Variants in RHOT1 observed in about 807,000 individuals in gnomAD.
RHOT1 encodes the protein ras homolog family member T1, also known as mitochondrial Rho GTPase 1.
RHOT1 carries 27 observed loss-of-function variants against 95.3 expected under a neutral mutation model. The ratio of observed to expected loss-of-function variants is 0.28; its 90% CI spans 0.21 to 0.39. RHOT1 has a LOEUF of 0.39. Ranked by LOEUF, RHOT1 falls within the 10% of genes least tolerant of loss-of-function variation. RHOT1 has a pLI of 1.00. For missense variants in RHOT1, 578 were observed against 786.7 expected, an observed-to-expected ratio of 0.73 and a Z score of 3.17; for synonymous variants, 227 against 263.5, an observed-to-expected ratio of 0.86 and a Z score of 1.34.
rs913419181 is a variant in RHOT1 at position 32,225,437 on chromosome 17, A to T, written c.*704A>T. 1 of 143,666 alleles carries T rather than the reference A, an allele frequency of 7.0e-6. No homozygotes were observed. Among genetic ancestry groups the T allele is most frequent in the East Asian group, 1.9e-4 (1 of 5,154 alleles). 8.9% of individuals were successfully genotyped at this position (143,666 alleles called of 1,614,324 possible). ...AATTTTATAGCCCTTTCAATGAAAT[A>T]AAAAAAAAATTTGTATATTACCAAT... On this transcript the variant is annotated 3_prime_UTR_variant, in exon 20 of 20. Coordinates refer to ENST00000545287, the MANE Select transcript of RHOT1 (RefSeq NM_001033566.3).
rs546925921 is a variant in RHOT1 at position 32,165,154 on chromosome 17, G to A, written c.38-5889G>A. 1.3e-3 allele frequency among the ~76,000 whole-genome samples: 191 copies of A among 151,924 alleles called. 2 individuals carry two copies. Among genetic ancestry groups the A allele is most frequent in the African/African-American group, 4.1e-3 (170 of 41,400 alleles). The stretch of plus-strand genomic sequence containing the variant: ...AGATCGAGACCATCCTGGCTAACAC[G>A]GTGAAACCCCATCTCTACTAAAAAT... On this transcript the variant is annotated intron_variant, in intron 1 of 19. Coordinates refer to ENST00000545287, the MANE Select transcript of RHOT1 (RefSeq NM_001033566.3).
intron 1 of RHOT1, among the ~76,000 whole-genome samples, chr17:32,169,765 C>T (rs563030292): frequency 4.9e-4 from 74 of 151,876 alleles, no homozygotes; most frequent in South Asian, 2.1e-3. Context: ...CAGCACTTTG[C>T]GAAGCTGAGG....
intron 1 of RHOT1, among the ~76,000 whole-genome samples, chr17:32,165,245 G>A (rs1437614744): frequency 6.9e-6 from 1 of 145,496 alleles, no homozygotes; most frequent in East Asian, 2.1e-4. Context: ...GCTGAGGCAG[G>A]AGAATGGCGT....
intron 4 of RHOT1, 142 bp downstream of exon 4, chr17:32,175,504 C>T (rs1688175618): frequency 1.2e-6 from 1 of 838,576 alleles, no homozygotes; most frequent in South Asian, 1.6e-5. Flanking sequence ...CACTCTGTCA[C>T]CCAGTGCAGT....
At chr17:32,180,833 C>T (rs2035579011) in intron 6 of RHOT1, among the ~76,000 whole-genome samples, 2 of 152,042 alleles carry the variant, frequency 1.3e-5, no homozygotes, top group Non-Finnish European at 2.9e-5. Context: ...CAAGTGCGTG[C>T]CATCACACCT....
In RHOT1 at chr17:32,224,629, G is replaced by A; in HGVS notation, c.1876G>A (p.Ala626Thr). Reference sequence around the variant, plus strand: ...TTCTGACTGCAGGCACGTGACACAAGCTGACCTCAAGAGCTCCACGTTTTG... The same window carrying A: ...TTCTGACTGCAGGCACGTGACACAAACTGACCTCAAGAGCTCCACGTTTTG... ...TAVLNRHVTQ[A>T]DLKSSTFWLR... Residue 626 changes from alanine (A) to threonine (T), a missense_variant, in exon 20 of 20, where the codon GCT (alanine) becomes ACT (threonine). Transcript: ENST00000545287. 1 of 1,612,706 alleles carries A rather than the reference G, an allele frequency of 6.2e-7. No homozygotes were observed. The highest frequency in any genetic ancestry group is 1.3e-5 in the African/African-American group (1 of 74,982).
chr17:32,173,965 A>G (rs1206462354), intron 3 of RHOT1, 53 bp downstream of exon 3: 13 of 1,217,146 alleles, frequency 1.1e-5, no homozygotes, highest in Non-Finnish European at 1.6e-5. Flanking sequence ...ATAGACTTGA[A>G]AAAAGATACT....
At position 32,184,788 on chromosome 17, in the gene RHOT1, G is replaced by A. The variant is rs191285687; in HGVS notation, c.540+1516G>A. ...AAGAGTGCTGGGATTACAGGTGTGA[G>A]CCACCGCACCTGGCTGGATACATCA... On this transcript the variant is annotated intron_variant, in intron 8 of 19. Transcript: ENST00000545287. Among the ~76,000 whole-genome samples, 31 of 152,262 alleles carry A rather than the reference G, an allele frequency of 2.0e-4. No individual in the cohort carries two copies. The East Asian group carries it at 5.0e-3, about 25-fold the overall frequency.
intron 8 of RHOT1, among the ~76,000 whole-genome samples, chr17:32,186,818 A>T (rs986326321): frequency 1.3e-5 from 2 of 152,106 alleles, no homozygotes; most frequent in African/African-American, 4.8e-5. Context: ...ATGCCACCAC[A>T]CACAGCTAAT....
intron 1 of RHOT1, among the ~76,000 whole-genome samples, chr17:32,150,119 A>T (rs986657429): frequency 1.3e-5 from 2 of 152,182 alleles, no homozygotes; most frequent in African/African-American, 4.8e-5. Flanking sequence ...TTCCTTTGAT[A>T]GTCTCACATA....
intron 1 of RHOT1, among the ~76,000 whole-genome samples, chr17:32,169,643 G>A (rs746053756): frequency 2.0e-5 from 3 of 152,142 alleles, no homozygotes; most frequent in Non-Finnish European, 4.4e-5. Context: ...AAGATCTTGT[G>A]CACTAACTTG....
chr17:32,171,184 C>CAT, intron 2 of RHOT1, 83 bp downstream of exon 2: 1 of 969,402 alleles, frequency 1.0e-6, no homozygotes, highest in Non-Finnish European at 1.6e-6. Flanking sequence ...TCTCTTTTGG[C>CAT]ATGTGTTATG....
intron 18 of RHOT1, among the ~76,000 whole-genome samples, chr17:32,210,269 C>T (rs2038036612): frequency 6.6e-6 from 1 of 152,160 alleles, no homozygotes; most frequent in Non-Finnish European, 1.5e-5. Flanking sequence ...ATGAGTGGCT[C>T]TGACCACTGA....
intron 1 of RHOT1, among the ~76,000 whole-genome samples, chr17:32,155,393 C>T (rs1428789866): frequency 6.6e-6 from 1 of 151,970 alleles, no homozygotes; most frequent in East Asian, 1.9e-4. Flanking sequence ...ATCTCCTGAC[C>T]CTGTGATCTG....
intron 1 of RHOT1, among the ~76,000 whole-genome samples, chr17:32,154,583 T>A: frequency 9.0e-6 from 1 of 111,002 alleles, no homozygotes; most frequent in Non-Finnish European, 1.7e-5. Flanking sequence ...CAAGGCTCCA[T>A]CTCAAAAAAA....
At chr17:32,148,397 G>A (rs549317448) in intron 1 of RHOT1, among the ~76,000 whole-genome samples, 1 of 152,250 alleles carries the variant, frequency 6.6e-6, no homozygotes, top group Non-Finnish European at 1.5e-5. Context: ...TCTGCATAAA[G>A]AGTCTATTCT....
At chr17:32,194,970 C>T (rs955169128) in intron 11 of RHOT1, among the ~76,000 whole-genome samples, 7 of 151,670 alleles carry the variant, frequency 4.6e-5, no homozygotes, top group Admixed American at 3.3e-4. Context: ...GGAATACAGG[C>T]GCCCGCCACC....
At chr17:32,199,073 A>G (rs2037120679) in intron 12 of RHOT1, 42 bp downstream of exon 12, 1 of 1,366,494 alleles carries the variant, frequency 7.3e-7, no homozygotes, top group Non-Finnish European at 1.0e-6. Flanking sequence ...ATAGTAAAAC[A>G]TTTTTCTATG....
chr17:32,207,147 C>T, intron 17 of RHOT1, 118 bp downstream of exon 17: 1 of 954,418 alleles, frequency 1.0e-6, no homozygotes, highest in South Asian at 1.8e-5. Flanking sequence ...TTTAAAAATA[C>T]ATACATCTTT....
Sources: allele counts gnomAD v4.1 joint callset (sites outside exome capture counted in the v4.1 genomes callset), GRCh38; gene constraint gnomAD v4.1.1; transcripts MANE v1.5; gene names NCBI Gene and HGNC (gene_info 2026-07-23, HGNC 2026-07-21).